The following VTI1A variants were observed in gnomAD, a reference collection of about 807,000 sequenced individuals.
The protein encoded by VTI1A is vesicle transport through interaction with t-SNAREs 1A, also known as vesicle transport through interaction with t-SNAREs homolog 1A.
VTI1A carries 22 observed loss-of-function variants against 34.9 expected under a neutral mutation model. The observed-to-expected ratio is 0.63, with a 90% CI of 0.45 to 0.90. The LOEUF (loss-of-function observed/expected upper bound fraction) is 0.90, where lower values mean the gene tolerates loss of function less well. Ranked by LOEUF, VTI1A falls within the 40% of genes least tolerant of loss-of-function variation. The pLI is 0.00. For synonymous variants in VTI1A, 87 were observed against 97.3 expected (o/e 0.89, Z 0.62); for missense variants, 268 against 275.6 (o/e 0.97, Z 0.20).
At chr10:112,476,570 T>C (rs1371159963) in intron 3 of VTI1A, among the ~76,000 whole-genome samples, 5 of 152,210 alleles carry the variant, frequency 3.3e-5, no homozygotes, top group Non-Finnish European at 2.9e-5. Context: ...CTTAAGGTGA[T>C]GGCTCAGTAT....
At chr10:112,517,556 G>T (rs1388356956) in intron 3 of VTI1A, among the ~76,000 whole-genome samples, 1 of 152,022 alleles carries the variant, frequency 6.6e-6, no homozygotes, top group Admixed American at 6.6e-5. Context: ...AAAGGGTAAC[G>T]TTACAGTGAA....
chr10:112,810,824 C>T (rs1208170111), intron 7 of VTI1A, among the ~76,000 whole-genome samples: 1 of 152,180 alleles, frequency 6.6e-6, no homozygotes, highest in Non-Finnish European at 1.5e-5. Flanking sequence ...CGCATGATAT[C>T]ATCAGTCATC....
At chr10:112,741,328 G>T (rs533606661) in intron 7 of VTI1A, among the ~76,000 whole-genome samples, 45 of 152,210 alleles carry the variant, frequency 3.0e-4, no homozygotes, top group African/African-American at 1.0e-3. Flanking sequence ...GGTGGCACGC[G>T]CCTGTAATCC....
chr10:112,485,281 T>TA (rs1372537407), intron 3 of VTI1A: 21 of 144,214 alleles, frequency 1.5e-4, no homozygotes, highest in East Asian at 4.0e-4. Flanking sequence ...AAACTCTGTC[T>TA]AAAAAAAAAA....
intron 5 of VTI1A, among the ~76,000 whole-genome samples, chr10:112,551,243 C>CAA (rs1161935841): frequency 0.016 from 357 of 21,968 alleles, 28 homozygotes; most frequent in African/African-American, 0.034. Flanking sequence ...TACTCCATCT[C>CAA]AAAAAAAAAA....
chr10:112,687,978 G>A (rs1848481794), intron 7 of VTI1A, among the ~76,000 whole-genome samples: 1 of 141,684 alleles, frequency 7.1e-6, no homozygotes. Flanking sequence ...TTTTAAGACT[G>A]GGTCTTGCTC....
chr10:112,778,754 A>T (rs1852024478), intron 7 of VTI1A, among the ~76,000 whole-genome samples: 1 of 152,166 alleles, frequency 6.6e-6, no homozygotes, highest in South Asian at 2.1e-4. Flanking sequence ...GCAAAGGTAG[A>T]CTGCCTCCTT....
intron 1 of VTI1A, among the ~76,000 whole-genome samples, chr10:112,454,463 A>G (rs1430996672): frequency 6.6e-6 from 1 of 152,132 alleles, no homozygotes; most frequent in Non-Finnish European, 1.5e-5. Context: ...CTAGCTGGGC[A>G]TAGTGGCACG....
chr10:112,637,822 C>G (rs1385928255), intron 5 of VTI1A, among the ~76,000 whole-genome samples: 1 of 152,112 alleles, frequency 6.6e-6, no homozygotes, highest in African/African-American at 2.4e-5. Context: ...CCTAAAAGTT[C>G]TAAATAAATA....
intron 4 of VTI1A, among the ~76,000 whole-genome samples, chr10:112,533,281 T>C (rs1850509276): frequency 1.3e-5 from 2 of 152,102 alleles, no homozygotes; most frequent in African/African-American, 4.8e-5. Flanking sequence ...TAGATGTACT[T>C]TAAAAGAGAA....
At chr10:112,630,541 A>G (rs1846090584) in intron 5 of VTI1A, among the ~76,000 whole-genome samples, 1 of 152,208 alleles carries the variant, frequency 6.6e-6, no homozygotes, top group African/African-American at 2.4e-5. Flanking sequence ...ACATAAAGAA[A>G]TGGAAGCTCA....
rs11816086 is a variant in VTI1A, at chr10:112,523,119, C to G, written c.265-3968C>G. Among the ~76,000 whole-genome samples, 952 of 152,124 alleles carry G rather than the reference C, an allele frequency of 6.3e-3. 15 individuals carry two copies. The highest frequency in any genetic ancestry group is 0.022 in the African/African-American group (907 of 41,532). On this transcript the variant is annotated intron_variant, in intron 3 of 7. Coordinates refer to ENST00000393077, the MANE Select transcript of VTI1A (RefSeq NM_145206.4). ...TAAGCTAAGTTAATTCGTTTTGTTT[C>G]TAATTTAGCAGTGCCTGTCCAGGAA... is the stretch of plus-strand genomic sequence containing the variant.
At chr10:112,523,592 C>T (rs1052971283) in intron 3 of VTI1A, among the ~76,000 whole-genome samples, 5 of 151,746 alleles carry the variant, frequency 3.3e-5, no homozygotes, top group African/African-American at 9.7e-5. Context: ...GTGTGGGTGG[C>T]GGGGGGAGGC....
At chr10:112,501,599 T>A (rs1589835500) in intron 3 of VTI1A, among the ~76,000 whole-genome samples, 1 of 152,204 alleles carries the variant, frequency 6.6e-6, no homozygotes, top group African/African-American at 2.4e-5. Flanking sequence ...AAAAGGACTC[T>A]GTGTAATTTA....
At chr10:112,549,408 G>T (rs891745403) in intron 5 of VTI1A, among the ~76,000 whole-genome samples, 8 of 152,188 alleles carry the variant, frequency 5.3e-5, no homozygotes, top group African/African-American at 4.8e-5. Flanking sequence ...CATAAACACT[G>T]ATTCAGATTA....
intron 3 of VTI1A, among the ~76,000 whole-genome samples, chr10:112,489,844 A>G (rs1165504518): frequency 1.3e-5 from 2 of 152,236 alleles, no homozygotes; most frequent in Admixed American, 1.3e-4. Flanking sequence ...AAGAGCTTGT[A>G]GAATGAACAT....
At chr10:112,713,825 A>G (rs900477835) in intron 7 of VTI1A, among the ~76,000 whole-genome samples, 25 of 152,206 alleles carry the variant, frequency 1.6e-4, no homozygotes, top group African/African-American at 6.0e-4. Flanking sequence ...TTACATAAAG[A>G]GGGGGAAAAT....
At chr10:112,689,968 C>T (rs1352466428) in intron 7 of VTI1A, among the ~76,000 whole-genome samples, 1 of 152,092 alleles carries the variant, frequency 6.6e-6, no homozygotes, top group Non-Finnish European at 1.5e-5. Context: ...TGCTTCCTGA[C>T]ATTAGAGTTT....
At chr10:112,450,124 T>G (rs1847179926) in intron 1 of VTI1A, 1 of 152,006 alleles carries the variant, frequency 6.6e-6, no homozygotes, top group Non-Finnish European at 1.5e-5. Context: ...ACTCCTGGGC[T>G]CACGCAATCC....
Sources: gnomAD v4.1 joint callset for allele counts (sites outside exome capture counted in the v4.1 genomes callset) on GRCh38, gnomAD v4.1.1 for gene constraint, MANE v1.5 for transcripts, NCBI Gene and HGNC (gene_info 2026-07-23, HGNC 2026-07-21) for gene names.